DLG2: variants seen among roughly 807,000 people sequenced by gnomAD.
The protein encoded by DLG2 is disks large homolog 2.
DLG2 carries 45 observed loss-of-function variants against 132.5 expected under a neutral mutation model. The ratio of observed to expected loss-of-function variants is 0.34; its 90% CI spans 0.27 to 0.44. DLG2 has a LOEUF of 0.44. DLG2 is among the 20% of genes least tolerant of loss of function. DLG2 has a pLI of 1.00. For synonymous variants in DLG2, 424 were observed against 419.6 expected (o/e 1.01, Z -0.13); for missense variants, 1,045 against 1,196.9 (o/e 0.87, Z 1.87).
intron 4 of DLG2, among the ~76,000 whole-genome samples, chr11:85,225,309 T>C (rs993605135): frequency 6.6e-6 from 1 of 152,078 alleles, no homozygotes; most frequent in Non-Finnish European, 1.5e-5. Context: ...TAAACCTCCA[T>C]CATGCTCATG....
intron 6 of DLG2, among the ~76,000 whole-genome samples, chr11:84,745,657 C>T (rs1565852950): frequency 1.3e-5 from 2 of 152,038 alleles, no homozygotes; most frequent in Admixed American, 6.5e-5. Flanking sequence ...CCTCTATAAG[C>T]AATTATAAAG....
intron 4 of DLG2, among the ~76,000 whole-genome samples, chr11:85,215,886 G>T (rs1236178308): frequency 6.6e-6 from 1 of 151,998 alleles, no homozygotes; most frequent in African/African-American, 2.4e-5. Flanking sequence ...AGAGAAAAAG[G>T]TTTCTTATCC....
intron 4 of DLG2, among the ~76,000 whole-genome samples, chr11:85,239,951 A>G (rs1201107669): frequency 6.6e-6 from 1 of 151,964 alleles, no homozygotes; most frequent in Non-Finnish European, 1.5e-5. Flanking sequence ...GGATATGCAA[A>G]TGTTCAATTT....
chr11:85,256,329 T>A (rs1266486249), intron 4 of DLG2, among the ~76,000 whole-genome samples: 1 of 152,094 alleles, frequency 6.6e-6, no homozygotes, highest in Non-Finnish European at 1.5e-5. Flanking sequence ...CAGGCGAAGA[T>A]CATCTTCCGA....
At chr11:83,505,360 G>A (rs974960067) in intron 21 of DLG2, among the ~76,000 whole-genome samples, 4 of 152,186 alleles carry the variant, frequency 2.6e-5, no homozygotes, top group African/African-American at 9.7e-5. Context: ...CTGAGCCCAT[G>A]CATAATCTCC....
At chr11:83,970,221 T>G (rs1481816967) in intron 12 of DLG2, among the ~76,000 whole-genome samples, 1 of 152,202 alleles carries the variant, frequency 6.6e-6, no homozygotes, top group Non-Finnish European at 1.5e-5. Flanking sequence ...ATGTGGTCAG[T>G]GCTTATTAAA....
chr11:85,189,136 T>C (rs908507304), intron 4 of DLG2, among the ~76,000 whole-genome samples: 1 of 152,182 alleles, frequency 6.6e-6, no homozygotes, highest in African/African-American at 2.4e-5. Context: ...ATATGATTAA[T>C]GGCTGACTTC....
At chr11:85,426,383 G>A (rs2090741350) in intron 3 of DLG2, among the ~76,000 whole-genome samples, 1 of 152,202 alleles carries the variant, frequency 6.6e-6, no homozygotes, top group Non-Finnish European at 1.5e-5. Flanking sequence ...CCCCCAGTAG[G>A]GGCAGACTGA....
chr11:83,937,972 A>C (rs1362538709), intron 14 of DLG2, among the ~76,000 whole-genome samples: 1 of 152,234 alleles, frequency 6.6e-6, no homozygotes, highest in Non-Finnish European at 1.5e-5. Context: ...CTAGTGTGCT[A>C]TCTGAAGAAG....
At chr11:84,203,604 T>TGAG (rs2096626650) in intron 8 of DLG2, among the ~76,000 whole-genome samples, 1 of 98,700 alleles carries the variant, frequency 1.0e-5, no homozygotes, top group South Asian at 3.6e-4. Flanking sequence ...AAAAAAGGAA[T>TGAG]GAGATCATAT....
chr11:85,084,279 C>A (rs541251616), intron 6 of DLG2, among the ~76,000 whole-genome samples: 1 of 151,998 alleles, frequency 6.6e-6, no homozygotes, highest in African/African-American at 2.4e-5. Flanking sequence ...ACCTAGCACA[C>A]GAGGTATGGG....
chr11:84,497,857 C>T (rs906497377), intron 7 of DLG2, among the ~76,000 whole-genome samples: 4 of 152,122 alleles, frequency 2.6e-5, no homozygotes, highest in Non-Finnish European at 5.9e-5. Context: ...CAGTAGGCAG[C>T]CACATAGGTT....
chr11:83,884,398 G>A (rs993675202), intron 15 of DLG2, among the ~76,000 whole-genome samples: 4 of 152,164 alleles, frequency 2.6e-5, no homozygotes, highest in South Asian at 2.1e-4. Context: ...GGGGAGGGGC[G>A]CCCGCCATTG....
intron 3 of DLG2, among the ~76,000 whole-genome samples, chr11:85,292,732 G>A (rs1430605282): frequency 8.1e-6 from 1 of 123,474 alleles, no homozygotes; most frequent in Non-Finnish European, 1.8e-5. Flanking sequence ...AAAGGGAGGA[G>A]GGGAGGGAAG....
intron 18 of DLG2, among the ~76,000 whole-genome samples, chr11:83,727,479 G>A (rs543779419): frequency 2.0e-5 from 3 of 152,282 alleles, no homozygotes; most frequent in African/African-American, 4.8e-5. Context: ...CCCTTGGACT[G>A]TGAGTAATGC....
chr11:85,250,502 A>G (rs1181713733), intron 4 of DLG2, among the ~76,000 whole-genome samples: 1 of 152,192 alleles, frequency 6.6e-6, no homozygotes, highest in East Asian at 1.9e-4. Context: ...GGGATAACAC[A>G]GTATAAATTT....
chr11:84,799,368 C>T (rs1340269986), intron 6 of DLG2, among the ~76,000 whole-genome samples: 1 of 152,180 alleles, frequency 6.6e-6, no homozygotes, highest in Non-Finnish European at 1.5e-5. Flanking sequence ...TGCACAGATT[C>T]TCTCTTGGCA....
intron 6 of DLG2, among the ~76,000 whole-genome samples, chr11:84,990,514 C>A (rs1376934964): frequency 6.6e-6 from 1 of 152,038 alleles, no homozygotes; most frequent in East Asian, 1.9e-4. Context: ...ATACCATGCT[C>A]TTGGAATTCC....
chr11:85,583,128 G>GTGTA (rs1461165792), intron 3 of DLG2, among the ~76,000 whole-genome samples: 6 of 27,420 alleles, frequency 2.2e-4, no homozygotes, highest in Non-Finnish European at 4.5e-4. Flanking sequence ...GTGTGTGTGT[G>GTGTA]TGTATATATA....
Sources: gnomAD v4.1 joint callset for allele counts (sites outside exome capture counted in the v4.1 genomes callset) on GRCh38, gnomAD v4.1.1 for gene constraint, MANE v1.5 for transcripts, NCBI Gene and HGNC (gene_info 2026-07-23, HGNC 2026-07-21) for gene names.